The following CABLES1 variants were observed in gnomAD, a reference collection of about 807,000 sequenced individuals.
The protein encoded by CABLES1 is CDK5 and ABL1 enzyme substrate 1.
CABLES1 carries 36 observed loss-of-function variants against 57.8 expected under a neutral mutation model. The ratio of observed to expected loss-of-function variants is 0.62; its 90% CI spans 0.48 to 0.82. CABLES1 has a LOEUF of 0.82. Among genes scored for constraint, CABLES1 ranks in the 40% least tolerant of loss-of-function variants. The probability of loss-of-function intolerance (pLI) is 0.00; values close to 1 mark genes in which losing one functional copy is unlikely to be tolerated. For missense variants in CABLES1, 767 were observed against 836.6 expected (o/e 0.92, Z 1.03); for synonymous variants, 374 against 363.0 (o/e 1.03, Z -0.35).
intron 7 of CABLES1, among the ~76,000 whole-genome samples, chr18:23,247,971 G>C (rs2047939194): frequency 6.6e-6 from 1 of 152,182 alleles, no homozygotes; most frequent in Non-Finnish European, 1.5e-5. Context: ...GCCTAGCTTG[G>C]ATTTTTCCCC....
At chr18:23,143,831 C>A (rs1283635282) in intron 1 of CABLES1, among the ~76,000 whole-genome samples, 5 of 70 alleles carry the variant, frequency 0.071, no homozygotes, top group Non-Finnish European at 0.11. Flanking sequence ...TCAATCCCTC[C>A]CCCCCTGGGC....
chr18:23,161,389 A>G (rs2047002810), intron 1 of CABLES1, among the ~76,000 whole-genome samples: 1 of 151,800 alleles, frequency 6.6e-6, no homozygotes, highest in African/African-American at 2.4e-5. Context: ...AGTGACAATT[A>G]AAAAGTAGTG....
At chr18:23,155,429 A>T (rs1358048335) in intron 1 of CABLES1, among the ~76,000 whole-genome samples, 6 of 152,242 alleles carry the variant, frequency 3.9e-5, no homozygotes, top group Admixed American at 3.9e-4. Context: ...TTCAAAGGGA[A>T]AATAATGCAT....
At chr18:23,197,564 G>T (rs2145030553) in intron 3 of CABLES1, 1 of 152,658 alleles carries the variant, frequency 6.6e-6, no homozygotes, top group East Asian at 1.9e-4. Flanking sequence ...GGCTAAGGAG[G>T]ACAGTGCCCA....
intron 1 of CABLES1, chr18:23,155,889 G>A: frequency 6.2e-7 from 1 of 1,613,810 alleles, no homozygotes; most frequent in East Asian, 2.2e-5. Flanking sequence ...TGAAGCCTCT[G>A]CCTCCTTCCT....
chr18:23,200,476 A>G (rs1598826046), intron 3 of CABLES1, among the ~76,000 whole-genome samples: 1 of 152,034 alleles, frequency 6.6e-6, no homozygotes, highest in Non-Finnish European at 1.5e-5. Context: ...GTTAGCCAGG[A>G]AGGTCTCGAT....
chr18:23,157,219 A>G (rs2046971636), intron 1 of CABLES1, among the ~76,000 whole-genome samples: 1 of 152,112 alleles, frequency 6.6e-6, no homozygotes, highest in Admixed American at 6.6e-5. Context: ...GCTTAACCCC[A>G]TCTCTGTTTT....
At chr18:23,198,448 G>A (rs1292114517) in intron 3 of CABLES1, among the ~76,000 whole-genome samples, 1 of 152,180 alleles carries the variant, frequency 6.6e-6, no homozygotes, top group Non-Finnish European at 1.5e-5. Context: ...ACTGTCTAGT[G>A]GCAGGCAGAG....
intron 4 of CABLES1, among the ~76,000 whole-genome samples, chr18:23,229,981 G>T (rs2047555470): frequency 1.3e-5 from 2 of 152,190 alleles, no homozygotes; most frequent in Non-Finnish European, 2.9e-5. Context: ...ATTGATCAGA[G>T]CCCTTACCTA....
At chr18:23,206,129 C>A (rs7245326) in intron 3 of CABLES1, among the ~76,000 whole-genome samples, 1 of 152,004 alleles carries the variant, frequency 6.6e-6, no homozygotes, top group Non-Finnish European at 1.5e-5. Context: ...GCCCATCTGA[C>A]AGCGCCTGCC....
At chr18:23,155,712 GC>G (rs1362703587) in intron 1 of CABLES1, 3 of 913,646 alleles carry the variant, frequency 3.3e-6, no homozygotes, top group Non-Finnish European at 4.7e-6. Context: ...TCTCCACGTG[GC>G]AGGATCCTAG....
rs868784144 is a variant in CABLES1 at position 23,257,754 on chromosome 18, A to G, written c.*387A>G. 5.8e-6 allele frequency: 1 copy of G among 171,934 alleles called. No homozygotes were observed. The allele number at this position is 171,934 out of a possible 1,614,324, so 10.7% of individuals were successfully genotyped here. On this transcript the variant is annotated 3_prime_UTR_variant, in exon 10 of 10. Transcript: ENST00000256925. ...GTGAAGGGCTTGAGCATACGGGGGA[A>G]GAGAGTCTGCAGAAGTTGGGGGAAA...
chr18:23,257,028 G>T, intron 9 of CABLES1, 199 bp from the exon 10 acceptor site: 1 of 592,548 alleles, frequency 1.7e-6, no homozygotes, highest in Non-Finnish European at 2.9e-6. Context: ...CAGCCCCTCG[G>T]GAAAGGAGCA....
rs533605187 is a variant in CABLES1, at chr18:23,158,099, T to C, written c.845+21492T>C. On this transcript the variant is annotated intron_variant, in intron 1 of 9. Transcript: ENST00000256925. The stretch of plus-strand genomic sequence containing the variant: ...GAGTTTGAGACCAGCCTGGGCAACA[T>C]GGGAAGACCCCATCTCTATTAAAAA... Among the ~76,000 whole-genome samples, 3 of 140,832 alleles carry C rather than the reference T, an allele frequency of 2.1e-5. No individual in the cohort carries two copies. In the South Asian group the frequency reaches 6.8e-4, roughly 32 times the overall value. 92.4% of individuals were successfully genotyped at this position (140,832 alleles called of 152,430 possible).
chr18:23,191,331 G>A (rs973022689), intron 2 of CABLES1, among the ~76,000 whole-genome samples: 2 of 152,206 alleles, frequency 1.3e-5, no homozygotes, highest in Non-Finnish European at 2.9e-5. Context: ...TTAGCATGAT[G>A]TAGAAGAAGA....
At chr18:23,137,885 C>T (rs1422787427) in intron 1 of CABLES1, among the ~76,000 whole-genome samples, 1 of 152,078 alleles carries the variant, frequency 6.6e-6, no homozygotes, top group Non-Finnish European at 1.5e-5. Context: ...GATGAATTAG[C>T]GACACTGGGC....
At chr18:23,236,145 A>G in intron 6 of CABLES1, 94 bp downstream of exon 6, 1 of 1,355,026 alleles carries the variant, frequency 7.4e-7, no homozygotes, top group Non-Finnish European at 1.0e-6. Flanking sequence ...GCAGACTGGA[A>G]GACAGGGGCT....
intron 1 of CABLES1, among the ~76,000 whole-genome samples, chr18:23,185,027 A>ATG (rs1319393904): frequency 6.6e-6 from 1 of 152,024 alleles, no homozygotes; most frequent in East Asian, 1.9e-4. Flanking sequence ...ATCTGTAATA[A>ATG]TGTGTGTGTG....
intron 4 of CABLES1, among the ~76,000 whole-genome samples, chr18:23,222,097 G>T (rs1001845324): frequency 2.6e-5 from 4 of 152,182 alleles, no homozygotes; most frequent in African/African-American, 9.7e-5. Context: ...CCTCCTTTGT[G>T]GTCCCCCAGA....
Sources: allele counts gnomAD v4.1 joint callset (sites outside exome capture counted in the v4.1 genomes callset), GRCh38; gene constraint gnomAD v4.1.1; transcripts MANE v1.5; gene names NCBI Gene and HGNC (gene_info 2026-07-23, HGNC 2026-07-21).